The following RNGTT variants were observed in gnomAD, a reference collection of about 807,000 sequenced individuals.
The protein encoded by RNGTT is mRNA-capping enzyme.
RNGTT carries 33 observed loss-of-function variants against 79.3 expected under a neutral mutation model. That is an observed-to-expected ratio of 0.42 (90% CI 0.32 to 0.56). RNGTT has a LOEUF of 0.56. Among genes scored for constraint, RNGTT ranks in the 20% least tolerant of loss-of-function variants. The pLI is 0.17. For synonymous variants in RNGTT, 222 were observed against 235.9 expected, an observed-to-expected ratio of 0.94 and a Z score of 0.54; for missense variants, 497 against 739.1, an observed-to-expected ratio of 0.67 and a Z score of 3.80.
At chr6:88,792,116 A>G (rs1779443891) in intron 12 of RNGTT, among the ~76,000 whole-genome samples, 2 of 152,184 alleles carry the variant, frequency 1.3e-5, no homozygotes, top group Admixed American at 1.3e-4. Context: ...AAAGATCAGC[A>G]AGTTTTAGAT....
At chr6:88,771,315 G>GTGTATATATA (rs1303688973) in intron 12 of RNGTT, among the ~76,000 whole-genome samples, 25 of 62,064 alleles carry the variant, frequency 4.0e-4, no homozygotes, top group African/African-American at 1.3e-3. Context: ...GTGTGTGTGT[G>GTGTATATATA]TATATATATA....
intron 13 of RNGTT, among the ~76,000 whole-genome samples, chr6:88,760,614 T>C (rs1778184282): frequency 6.6e-6 from 1 of 152,168 alleles, no homozygotes; most frequent in African/African-American, 2.4e-5. Context: ...ATAATAGTGA[T>C]TACATTAGTG....
intron 8 of RNGTT, among the ~76,000 whole-genome samples, chr6:88,879,255 G>A (rs1238604472): frequency 1.3e-5 from 2 of 152,158 alleles, no homozygotes; most frequent in Non-Finnish European, 2.9e-5. Context: ...ATAGACAGGT[G>A]TGGTGGCATG....
chr6:88,702,990 A>G (rs1775996206), intron 13 of RNGTT, among the ~76,000 whole-genome samples: 1 of 152,208 alleles, frequency 6.6e-6, no homozygotes. Context: ...GCAAATCAAA[A>G]CCAAAATGAA....
intron 8 of RNGTT, among the ~76,000 whole-genome samples, chr6:88,884,102 C>T (rs1782781046): frequency 6.6e-6 from 1 of 152,198 alleles, no homozygotes; most frequent in African/African-American, 2.4e-5. Flanking sequence ...TCTAACTAAA[C>T]TTCATATACA....
rs1310666037 is a variant in RNGTT at position 88,941,189 on chromosome 6, C to T, written c.65-9G>A. On this transcript the variant is annotated splice_polypyrimidine_tract_variant and intron_variant, in intron 1 of 15. Transcript: ENST00000369485. ...CAGAGGTAAGAATCTTCCTAAACAACACAGATAGGTAATCATTTCCATAAA... is the reference window on the plus strand; with the variant it reads ...CAGAGGTAAGAATCTTCCTAAACAATACAGATAGGTAATCATTTCCATAAA... 2.8e-6 allele frequency: 4 copies of T among 1,435,230 alleles called. No homozygotes were observed. The highest frequency in any genetic ancestry group is 2.3e-5 in the East Asian group (1 of 43,948). 88.9% of individuals were successfully genotyped at this position (1,435,230 alleles called of 1,614,324 possible).
intron 11 of RNGTT, among the ~76,000 whole-genome samples, chr6:88,838,373 C>CA (rs910478705): frequency 2.6e-5 from 4 of 151,700 alleles, no homozygotes; most frequent in Non-Finnish European, 4.4e-5. Flanking sequence ...ATGAAATTCA[C>CA]AAAAAATTAT....
At chr6:88,726,409 C>CAAAAAAAAAAAAAAAAAAAA (rs1776908388) in intron 13 of RNGTT, among the ~76,000 whole-genome samples, 1 of 121,922 alleles carries the variant, frequency 8.2e-6, no homozygotes, top group Admixed American at 7.8e-5. Context: ...AAAAAAAAAG[C>CAAAAAAAAAAAAAAAAAAAA]AAAAAGGTAG....
At chr6:88,892,186 T>C (rs1324716701) in intron 6 of RNGTT, among the ~76,000 whole-genome samples, 1 of 152,044 alleles carries the variant, frequency 6.6e-6, no homozygotes, top group Non-Finnish European at 1.5e-5. Flanking sequence ...CTACCATTTA[T>C]TGAGATCCAA....
chr6:88,804,797 C>A (rs1330484317), intron 11 of RNGTT, among the ~76,000 whole-genome samples: 1 of 151,714 alleles, frequency 6.6e-6, no homozygotes, highest in Non-Finnish European at 1.5e-5. Context: ...ACTTTTAAGT[C>A]ATTTAGCCAG....
intron 13 of RNGTT, among the ~76,000 whole-genome samples, chr6:88,688,512 C>T (rs922362962): frequency 6.6e-6 from 1 of 152,036 alleles, no homozygotes; most frequent in Non-Finnish European, 1.5e-5. Flanking sequence ...GAAACCAGGG[C>T]TCCTTAGAGA....
At chr6:88,776,562 T>C (rs531752706) in intron 12 of RNGTT, among the ~76,000 whole-genome samples, 24 of 151,736 alleles carry the variant, frequency 1.6e-4, no homozygotes, top group Non-Finnish European at 2.5e-4. Context: ...CTCAAACTCC[T>C]GACCTCAGGT....
chr6:88,835,798 C>T (rs778227674), intron 11 of RNGTT, among the ~76,000 whole-genome samples: 10 of 151,760 alleles, frequency 6.6e-5, no homozygotes, highest in Non-Finnish European at 1.5e-4. Context: ...TCAGTAACTA[C>T]CAGAATTTTA....
At chr6:88,842,480 TG>T (rs202102986) in intron 11 of RNGTT, among the ~76,000 whole-genome samples, 1,948 of 151,376 alleles carry the variant, frequency 0.013, 16 homozygotes, top group Non-Finnish European at 0.019. Flanking sequence ...AAAAAGAGAA[TG>T]AAAAGGAAAA....
intron 4 of RNGTT, among the ~76,000 whole-genome samples, chr6:88,919,707 CTTTTTTTTTTT>C (rs5878082): frequency 5.1e-5 from 3 of 58,486 alleles, no homozygotes; most frequent in South Asian, 6.5e-4. Flanking sequence ...GTCAGTAGTT[CTTTTTTTTTTT>C]TTTTTTTTTT....
intron 8 of RNGTT, among the ~76,000 whole-genome samples, chr6:88,871,901 T>A (rs186909511): frequency 2.0e-5 from 3 of 151,644 alleles, no homozygotes; most frequent in African/African-American, 7.3e-5. Context: ...AAAAGACCAT[T>A]CCCCCCCATA....
At chr6:88,686,560 T>C (rs763441993) in intron 13 of RNGTT, among the ~76,000 whole-genome samples, 7 of 152,024 alleles carry the variant, frequency 4.6e-5, no homozygotes, top group Admixed American at 2.0e-4. Context: ...GAAAATGTGA[T>C]TGACGTAAGG....
At chr6:88,833,528 TG>T (rs979744639) in intron 11 of RNGTT, among the ~76,000 whole-genome samples, 14 of 152,192 alleles carry the variant, frequency 9.2e-5, no homozygotes, top group African/African-American at 3.4e-4. Context: ...AACACATCTA[TG>T]TAACAAACCT....
chr6:88,697,746 C>T (rs996241953), intron 13 of RNGTT, among the ~76,000 whole-genome samples: 31 of 150,630 alleles, frequency 2.1e-4, no homozygotes, highest in Non-Finnish European at 3.7e-4. Context: ...TGGTGCATGC[C>T]TGTGGTCTCA....
Sources: gnomAD v4.1 joint callset for allele counts (sites outside exome capture counted in the v4.1 genomes callset) on GRCh38, gnomAD v4.1.1 for gene constraint, MANE v1.5 for transcripts, NCBI Gene and HGNC (gene_info 2026-07-23, HGNC 2026-07-21) for gene names.